The following MAN1A1 variants were observed in gnomAD, a reference collection of about 807,000 sequenced individuals.
The protein encoded by MAN1A1 is mannosyl-oligosaccharide 1,2-alpha-mannosidase IA.
MAN1A1 carries 29 observed loss-of-function variants against 70.8 expected under a neutral mutation model. The ratio of observed to expected loss-of-function variants is 0.41; its 90% confidence interval spans 0.31 to 0.56. MAN1A1 has a LOEUF of 0.56. Ranked by LOEUF, MAN1A1 falls within the 20% of genes least tolerant of loss-of-function variation. MAN1A1 has a pLI of 0.29. For missense variants in MAN1A1, 747 were observed against 841.3 expected (o/e 0.89, Z 1.39); for synonymous variants, 349 against 330.1 (o/e 1.06, Z -0.62).
At chr6:119,300,726 A>G (rs1434046618) in intron 4 of MAN1A1, among the ~76,000 whole-genome samples, 1 of 152,156 alleles carries the variant, frequency 6.6e-6, no homozygotes, top group African/African-American at 2.4e-5. Context: ...TCTCATGTTT[A>G]AAATAGAAGG....
At chr6:119,271,848 T>C (rs564681810) in intron 5 of MAN1A1, among the ~76,000 whole-genome samples, 20 of 152,226 alleles carry the variant, frequency 1.3e-4, no homozygotes, top group African/African-American at 4.6e-4. Flanking sequence ...CAAAATTTGG[T>C]GATTTCCCTT....
intron 6 of MAN1A1, among the ~76,000 whole-genome samples, chr6:119,241,654 T>C (rs976605477): frequency 6.6e-6 from 1 of 152,204 alleles, no homozygotes; most frequent in Non-Finnish European, 1.5e-5. Flanking sequence ...TCTAGGATTT[T>C]AAAATTTCAA....
At chr6:119,309,384 T>C (rs1484113098) in intron 2 of MAN1A1, among the ~76,000 whole-genome samples, 1 of 152,218 alleles carries the variant, frequency 6.6e-6, no homozygotes, top group East Asian at 1.9e-4. Context: ...GCTTTTAATT[T>C]TGTAGTATTA....
upstream of MAN1A1, chr6:119,349,804 G>C (rs990553902): frequency 6.2e-6 from 6 of 961,738 alleles, no homozygotes; most frequent in African/African-American, 1.8e-5. Context: ...CGAGGGAGGC[G>C]ACGCGGCCGG....
At chr6:119,254,758 A>G (rs1046366358) in intron 5 of MAN1A1, among the ~76,000 whole-genome samples, 5 of 152,248 alleles carry the variant, frequency 3.3e-5, no homozygotes, top group African/African-American at 1.2e-4. Flanking sequence ...TTGCATTCTA[A>G]GGATTCTGAT....
At chr6:119,182,748 T>C (rs1029485303) in intron 11 of MAN1A1, among the ~76,000 whole-genome samples, 2 of 152,194 alleles carry the variant, frequency 1.3e-5, no homozygotes, top group African/African-American at 4.8e-5. Flanking sequence ...AACCCTAATA[T>C]ATTTTATAGT....
intron 2 of MAN1A1, among the ~76,000 whole-genome samples, chr6:119,311,220 T>C (rs1234003265): frequency 6.6e-6 from 1 of 152,216 alleles, no homozygotes; most frequent in Non-Finnish European, 1.5e-5. Context: ...ATTACTTTTA[T>C]TAAAAACCTA....
At chr6:119,304,200 G>A (rs3798623) in intron 3 of MAN1A1, among the ~76,000 whole-genome samples, 57,495 of 152,036 alleles carry the variant, frequency 0.38, 11,354 homozygotes, top group Non-Finnish European at 0.41. Context: ...AAAGATAAAA[G>A]TTGTAAATCT....
At position 119,308,628 on chromosome 6, in the gene MAN1A1, T is replaced by G. The variant is rs17080961; in HGVS notation, c.604-1636A>C. ...TGGCAGGTAATCACGTTTATTAAAT[T>G]TTAAATCTATATTAAAACTAATTAA... On this transcript the variant is annotated intron_variant, in intron 2 of 12. Transcript: ENST00000368468. 5.9e-3 allele frequency among the ~76,000 whole-genome samples: 899 copies of G among 152,266 alleles called. 30 individuals carry two copies. The East Asian group carries it at 0.09, about 15-fold the overall frequency.
chr6:119,266,996 C>T (rs996451768), intron 5 of MAN1A1, among the ~76,000 whole-genome samples: 4 of 152,108 alleles, frequency 2.6e-5, no homozygotes, highest in African/African-American at 4.8e-5. Context: ...TGTTCCACAT[C>T]GCAAATCATC....
intron 2 of MAN1A1, among the ~76,000 whole-genome samples, chr6:119,307,500 T>C (rs540487332): frequency 6.6e-6 from 1 of 152,310 alleles, no homozygotes; most frequent in Admixed American, 6.5e-5. Context: ...TTTTAAAATA[T>C]TTACAGGAAA....
chr6:119,245,749 G>A (rs758304900), intron 6 of MAN1A1, among the ~76,000 whole-genome samples: 5 of 152,036 alleles, frequency 3.3e-5, no homozygotes, highest in African/African-American at 9.7e-5. Context: ...GCTGCCAAAT[G>A]GTTGCTCAAT....
intron 5 of MAN1A1, among the ~76,000 whole-genome samples, chr6:119,254,942 G>A (rs1030548327): frequency 3.3e-5 from 5 of 152,084 alleles, no homozygotes; most frequent in African/African-American, 1.2e-4. Context: ...TTCTTTACAC[G>A]TAAGTAACAT....
intron 11 of MAN1A1, among the ~76,000 whole-genome samples, chr6:119,184,609 C>CT (rs750787219): frequency 5.3e-5 from 8 of 152,014 alleles, no homozygotes; most frequent in Non-Finnish European, 1.0e-4. Flanking sequence ...AAAGAAGTCA[C>CT]TTCCTGAGAG....
At chr6:119,274,810 C>T (rs17442505) in intron 5 of MAN1A1, among the ~76,000 whole-genome samples, 6,291 of 152,220 alleles carry the variant, frequency 0.041, 149 homozygotes, top group African/African-American at 0.054. Context: ...TATATGTACT[C>T]ACTGGATAAT....
At position 119,349,742 on chromosome 6, in the gene MAN1A1, G is replaced by A. The variant is rs983675694; in HGVS notation, c.-423C>T. 6 of 985,458 alleles carry A rather than the reference G, an allele frequency of 6.1e-6. No homozygotes were observed. Among genetic ancestry groups the A allele is most frequent in the Non-Finnish European group, 7.2e-6 (6 of 829,970 alleles). The allele number at this position is 985,458 out of a possible 1,614,324, so 61.0% of individuals were successfully genotyped here. A position where few individuals can be genotyped will look rare whatever the true frequency, so the allele number is the denominator to read the frequency against. ...CGAGTAGAGCAGCACGGTACACTCCGCCGCGGCCCCGCGAGCACTAATCTC... is the reference window on the plus strand; with the variant it reads ...CGAGTAGAGCAGCACGGTACACTCCACCGCGGCCCCGCGAGCACTAATCTC... On this transcript the variant is annotated 5_prime_UTR_variant, in exon 1 of 13. Coordinates refer to ENST00000368468, the MANE Select transcript of MAN1A1 (RefSeq NM_005907.4).
intron 5 of MAN1A1, among the ~76,000 whole-genome samples, chr6:119,259,287 T>C (rs1775543331): frequency 6.6e-6 from 1 of 152,180 alleles, no homozygotes; most frequent in African/African-American, 2.4e-5. Context: ...TATCTTACGG[T>C]GAAGGGCACA....
intron 2 of MAN1A1, among the ~76,000 whole-genome samples, chr6:119,327,843 AAAG>A (rs2063493504): frequency 6.6e-6 from 1 of 152,220 alleles, no homozygotes; most frequent in Admixed American, 6.5e-5. Flanking sequence ...GAATGAATGA[AAAG>A]AAAATGAAGG....
chr6:119,278,427 T>C (rs778343962), intron 5 of MAN1A1, among the ~76,000 whole-genome samples: 2 of 152,224 alleles, frequency 1.3e-5, no homozygotes, highest in Admixed American at 6.5e-5. Flanking sequence ...TGCATGAATA[T>C]TTCCCTCTGC....
Sources: gnomAD v4.1 joint callset for allele counts (sites outside exome capture counted in the v4.1 genomes callset) on GRCh38, gnomAD v4.1.1 for gene constraint, MANE v1.5 for transcripts, NCBI Gene and HGNC (gene_info 2026-07-23, HGNC 2026-07-21) for gene names.